MECOM: variants seen among roughly 807,000 people sequenced by gnomAD.
The protein encoded by MECOM is histone-lysine N-methyltransferase MECOM.
In MECOM, 13 loss-of-function variants were observed where a neutral mutation model predicts 116.3. The observed-to-expected ratio is 0.11, with a 90% confidence interval of 0.07 to 0.18. MECOM has a LOEUF of 0.18. Ranked by LOEUF, MECOM falls within the 10% of genes least tolerant of loss-of-function variation. MECOM has a pLI of 1.00. For synonymous variants in MECOM, 528 were observed against 535.2 expected (o/e 0.99, Z 0.19); for missense variants, 1,299 against 1,509.0 (o/e 0.86, Z 2.31).
At chr3:169,098,040 TTC>T (rs1348140804) in intron 12 of MECOM, among the ~76,000 whole-genome samples, 3 of 152,092 alleles carry the variant, frequency 2.0e-5, no homozygotes, top group Non-Finnish European at 4.4e-5. Context: ...TTTTAATTTT[TTC>T]TTTTTGAAAT....
chr3:169,357,500 A>G (rs1347843359), intron 2 of MECOM, among the ~76,000 whole-genome samples: 1 of 151,830 alleles, frequency 6.6e-6, no homozygotes, highest in Non-Finnish European at 1.5e-5. Context: ...TATTAAAATT[A>G]AGAGGCAATT....
At chr3:169,272,001 A>T (rs1759004775) in intron 2 of MECOM, among the ~76,000 whole-genome samples, 1 of 152,172 alleles carries the variant, frequency 6.6e-6, no homozygotes, top group South Asian at 2.1e-4. Context: ...ACCACACATT[A>T]ACCCAGCGTT....
At chr3:169,578,606 T>A (rs1273934478) in intron 1 of MECOM, among the ~76,000 whole-genome samples, 3 of 152,188 alleles carry the variant, frequency 2.0e-5, no homozygotes, top group African/African-American at 7.2e-5. Flanking sequence ...AAGTTCAAAT[T>A]AAACTTTAGC....
chr3:169,203,401 C>T (rs552248305), intron 2 of MECOM, among the ~76,000 whole-genome samples: 2 of 151,950 alleles, frequency 1.3e-5, no homozygotes, highest in African/African-American at 4.8e-5. Flanking sequence ...TAAACATGGA[C>T]ATATCACTTA....
At chr3:169,314,896 C>T (rs1719470037) in intron 2 of MECOM, among the ~76,000 whole-genome samples, 1 of 152,130 alleles carries the variant, frequency 6.6e-6, no homozygotes, top group African/African-American at 2.4e-5. Flanking sequence ...CCTTATTCTC[C>T]TGAATATTTA....
At chr3:169,129,935 T>A (rs1298276319) in intron 4 of MECOM, among the ~76,000 whole-genome samples, 1 of 152,178 alleles carries the variant, frequency 6.6e-6, no homozygotes, top group African/African-American at 2.4e-5. Context: ...ATAATATCTA[T>A]CATATAGTAG....
intron 2 of MECOM, among the ~76,000 whole-genome samples, chr3:169,319,383 A>G (rs1416475389): frequency 3.3e-5 from 5 of 150,976 alleles, no homozygotes; most frequent in African/African-American, 7.3e-5. Context: ...ATGAGAACAC[A>G]TGGACATGGG....
In MECOM at chr3:169,314,816, A is replaced by T. The variant is rs60850636; in HGVS notation, c.375+66371T>A. Among the ~76,000 whole-genome samples the T allele has an allele frequency of 7.8e-3, 1,193 of 152,358 alleles. 14 individuals carry two copies. The highest frequency in any genetic ancestry group is 0.028 in the African/African-American group (1,144 of 41,584). The stretch of plus-strand genomic sequence containing the variant: ...TTTTAGGGCAACGATATTCTTACTT[A>T]AAAAGTGCTAAGGGAAGTTTAGAAA... On this transcript the variant is annotated intron_variant, in intron 2 of 16. Coordinates refer to ENST00000651503, the MANE Select transcript of MECOM (RefSeq NM_004991.4).
At chr3:169,305,685 T>C (rs1379721115) in intron 2 of MECOM, among the ~76,000 whole-genome samples, 1 of 152,212 alleles carries the variant, frequency 6.6e-6, no homozygotes, top group Non-Finnish European at 1.5e-5. Flanking sequence ...TCATGCTCAC[T>C]TTCATGCCAC....
intron 2 of MECOM, among the ~76,000 whole-genome samples, chr3:169,327,974 T>C (rs1209526469): frequency 6.6e-6 from 1 of 152,178 alleles, no homozygotes; most frequent in Non-Finnish European, 1.5e-5. Flanking sequence ...TTTCTCTACT[T>C]CCTGAATCAA....
chr3:169,280,111 T>C (rs1374870155), intron 2 of MECOM, among the ~76,000 whole-genome samples: 2 of 152,086 alleles, frequency 1.3e-5, no homozygotes, highest in Admixed American at 1.3e-4. Flanking sequence ...ATGAAATAAA[T>C]TGGCAAGAAG....
chr3:169,465,520 C>T (rs762544036), intron 1 of MECOM, among the ~76,000 whole-genome samples: 2 of 152,150 alleles, frequency 1.3e-5, no homozygotes, highest in African/African-American at 4.8e-5. Flanking sequence ...AAATGGCCAA[C>T]ACTTTGCTTG....
intron 2 of MECOM, among the ~76,000 whole-genome samples, chr3:169,215,136 G>T (rs1751259508): frequency 6.7e-6 from 1 of 148,914 alleles, no homozygotes; most frequent in Admixed American, 6.7e-5. Context: ...ATATTCCTCA[G>T]ATTAAACTCC....
rs748984561 is a variant in MECOM, at chr3:169,322,997, T to TAAAA, written c.375+58186_375+58189dup. Among the ~76,000 whole-genome samples the TAAAA allele has an allele frequency of 5.0e-4, 28 of 56,040 alleles. 3 individuals are homozygous for TAAAA. The highest frequency in any genetic ancestry group is 1.6e-3 in the African/African-American group (23 of 14,254). 36.8% of individuals were successfully genotyped at this position (56,040 alleles called of 152,430 possible). On this transcript the variant is annotated intron_variant, in intron 2 of 16. Transcript: ENST00000651503. ...CCTGCATGACAGAGCAAGACTCCGGTAAAAAAAAAAAAAAAAAAAAAAAAA... is the reference window on the plus strand; with the variant it reads ...CCTGCATGACAGAGCAAGACTCCGGTAAAAAAAAAAAAAAAAAAAAAAAAAAAAA...
At chr3:169,484,055 A>G in intron 1 of MECOM, 1 of 1,136,398 alleles carries the variant, frequency 8.8e-7, no homozygotes, top group Non-Finnish European at 1.3e-6. Flanking sequence ...TGGAAAGTAC[A>G]ACCTATAGCT....
chr3:169,431,626 T>A (rs1741647775), intron 1 of MECOM, among the ~76,000 whole-genome samples: 1 of 152,208 alleles, frequency 6.6e-6, no homozygotes, highest in African/African-American at 2.4e-5. Context: ...AGATTCAAAG[T>A]CGCACAGACT....
chr3:169,096,965 GTT>G (rs10577272), intron 12 of MECOM, among the ~76,000 whole-genome samples: 94,670 of 132,586 alleles, frequency 0.71, 30,008 homozygotes, highest in Admixed American at 0.74. Context: ...TTTAGCCCCA[GTT>G]TTTTTTTTTT....
intron 1 of MECOM, among the ~76,000 whole-genome samples, chr3:169,492,868 G>A (rs1327770217): frequency 1.3e-5 from 2 of 152,132 alleles, no homozygotes; most frequent in South Asian, 4.1e-4. Flanking sequence ...GCTGAGGCAG[G>A]AGAATTGCTT....
At chr3:169,265,545 T>C (rs1758171734) in intron 2 of MECOM, among the ~76,000 whole-genome samples, 1 of 152,198 alleles carries the variant, frequency 6.6e-6, no homozygotes, top group African/African-American at 2.4e-5. Context: ...TGAAGTTGAA[T>C]AGTGTCATCA....
Sources: gnomAD v4.1 joint callset for allele counts (sites outside exome capture counted in the v4.1 genomes callset) on GRCh38, gnomAD v4.1.1 for gene constraint, MANE v1.5 for transcripts, NCBI Gene and HGNC (gene_info 2026-07-23, HGNC 2026-07-21) for gene names.